The following TASP1 variants were observed in gnomAD, a reference collection of about 807,000 sequenced individuals.
The protein encoded by TASP1 is taspase 1.
Under a neutral mutation model 56.6 loss-of-function variants are expected in TASP1, and 16 were observed. The ratio of observed to expected loss-of-function variants is 0.28; its 90% confidence interval spans 0.19 to 0.43. The LOEUF (loss-of-function observed/expected upper bound fraction) is 0.43. Among genes scored for constraint, TASP1 ranks in the 20% least tolerant of loss-of-function variants. The pLI is 1.00. For synonymous variants in TASP1, 179 were observed against 184.2 expected (o/e 0.97, Z 0.23); for missense variants, 393 against 511.6 (o/e 0.77, Z 2.24).
the TASP1 span, among the ~76,000 whole-genome samples, chr20:13,118,226 T>C: frequency 6.6e-6 from 1 of 152,188 alleles, no homozygotes; most frequent in East Asian, 1.9e-4. Context: ...CTACAAGTTG[T>C]GGGTTTTAAG....
chr20:13,321,222 G>A, the TASP1 span, among the ~76,000 whole-genome samples: 1 of 115,710 alleles, frequency 8.6e-6, no homozygotes. Flanking sequence ...AAAAGAGATC[G>A]TCTTTATCTA....
the TASP1 span, among the ~76,000 whole-genome samples, chr20:13,199,821 G>T: frequency 2.0e-5 from 3 of 152,278 alleles, no homozygotes; most frequent in African/African-American, 7.2e-5. Flanking sequence ...TCAAGTCATG[G>T]CTTGCACTTT....
the TASP1 span, among the ~76,000 whole-genome samples, chr20:13,283,337 T>C: frequency 3.3e-5 from 5 of 152,312 alleles, no homozygotes; most frequent in African/African-American, 1.2e-4. Context: ...TGCAAGTCAC[T>C]GTATCTCGGG....
chr20:13,342,852 G>T, the TASP1 span, among the ~76,000 whole-genome samples: 10 of 152,228 alleles, frequency 6.6e-5, no homozygotes, highest in Non-Finnish European at 1.2e-4. Context: ...GTAGAGGATG[G>T]GTCCTTATCC....
At chr20:13,163,711 G>A in the TASP1 span, among the ~76,000 whole-genome samples, 3 of 151,826 alleles carry the variant, frequency 2.0e-5, no homozygotes, top group South Asian at 6.3e-4. Context: ...TTCCCAAAGA[G>A]GAAAGTCCAT....
the TASP1 span, among the ~76,000 whole-genome samples, chr20:13,108,136 G>A: frequency 1.3e-5 from 2 of 152,126 alleles, no homozygotes; most frequent in Admixed American, 6.6e-5. Context: ...GCTAACAGGG[G>A]CCTCTCAGAG....
At chr20:13,114,090 G>T in the TASP1 span, among the ~76,000 whole-genome samples, 1 of 152,206 alleles carries the variant, frequency 6.6e-6, no homozygotes, top group Non-Finnish European at 1.5e-5. Context: ...AATGTAAATA[G>T]AAGAGTCAGC....
In TASP1 at chr20:13,535,048, T is replaced by C. The variant is rs549986147; in HGVS notation, c.676-907A>G. 3.3e-5 allele frequency among the ~76,000 whole-genome samples: 5 copies of C among 152,226 alleles called. No individual in the cohort carries two copies. The South Asian group carries it at 1.0e-3, about 32-fold the overall frequency. On this transcript the variant is annotated intron_variant, in intron 8 of 13. Transcript: ENST00000337743. ...GTTTTCAAACCTTGCCCTACAACCC[T>C]AGACCCCACCCTTACCCCCACCACC...
chr20:13,434,821 A>G (rs746452039), intron 12 of TASP1, among the ~76,000 whole-genome samples: 3 of 152,286 alleles, frequency 2.0e-5, no homozygotes, highest in East Asian at 3.9e-4. Context: ...CTTGGTTCTA[A>G]GCTTATTTGA....
At chr20:13,165,810 GA>G in the TASP1 span, 12 of 152,168 alleles carry the variant, frequency 7.9e-5, no homozygotes, top group African/African-American at 2.9e-4. Flanking sequence ...ATTGATTCAA[GA>G]AGGACATTTA....
At chr20:13,507,183 T>C (rs200149726) in intron 10 of TASP1, among the ~76,000 whole-genome samples, 9 of 152,024 alleles carry the variant, frequency 5.9e-5, no homozygotes, top group African/African-American at 2.2e-4. Context: ...TCAAAAAGAA[T>C]AAAATATTCA....
At chr20:13,148,132 T>C in the TASP1 span, among the ~76,000 whole-genome samples, 1 of 152,232 alleles carries the variant, frequency 6.6e-6, no homozygotes, top group South Asian at 2.1e-4. Flanking sequence ...TCTGGGCCTC[T>C]GGGAGACTGA....
the TASP1 span, among the ~76,000 whole-genome samples, chr20:13,127,661 A>AC: frequency 6.6e-6 from 1 of 152,110 alleles, no homozygotes; most frequent in Non-Finnish European, 1.5e-5. Context: ...GTCTTCACTT[A>AC]CCCCCATACT....
At chr20:13,371,317 C>T in the TASP1 span, among the ~76,000 whole-genome samples, 1 of 152,240 alleles carries the variant, frequency 6.6e-6, no homozygotes, top group East Asian at 1.9e-4. Flanking sequence ...CCTGTGAGCA[C>T]TGCTTTCACC....
At chr20:13,341,448 G>A in the TASP1 span, among the ~76,000 whole-genome samples, 84 of 152,208 alleles carry the variant, frequency 5.5e-4, no homozygotes, top group African/African-American at 1.8e-3. Flanking sequence ...TTAACTTCTT[G>A]GGATTCAGCC....
At chr20:13,343,740 C>A in the TASP1 span, among the ~76,000 whole-genome samples, 534 of 152,320 alleles carry the variant, frequency 3.5e-3, 2 homozygotes, top group Non-Finnish European at 5.7e-3. Flanking sequence ...CTTTCTTTCA[C>A]CTGCAATTCC....
chr20:13,181,756 G>A, the TASP1 span, among the ~76,000 whole-genome samples: 18 of 152,166 alleles, frequency 1.2e-4, no homozygotes, highest in East Asian at 5.8e-4. Context: ...AGTTGCCTCA[G>A]AGGAGTTACT....
intron 7 of TASP1, among the ~76,000 whole-genome samples, chr20:13,564,015 A>G (rs1568587476): frequency 6.6e-6 from 1 of 152,206 alleles, no homozygotes; most frequent in African/African-American, 2.4e-5. Flanking sequence ...TACCACTTCT[A>G]GTACTAGAAG....
intron 11 of TASP1, among the ~76,000 whole-genome samples, chr20:13,444,683 C>T (rs1285705192): frequency 6.6e-6 from 1 of 152,160 alleles, no homozygotes; most frequent in African/African-American, 2.4e-5. Flanking sequence ...ATTAAGTTAA[C>T]TGCATTCTAC....
Sources: allele counts gnomAD v4.1 joint callset (sites outside exome capture counted in the v4.1 genomes callset), GRCh38; gene constraint gnomAD v4.1.1; transcripts MANE v1.5; gene names NCBI Gene and HGNC (gene_info 2026-07-23, HGNC 2026-07-21).